SORCS2: variants seen among roughly 807,000 people sequenced by gnomAD.
SORCS2 encodes sortilin related VPS10 domain containing receptor 2, also known as VPS10 domain-containing receptor SorCS2.
In SORCS2, 100 loss-of-function variants were observed where a neutral mutation model predicts 141.6. The observed-to-expected ratio is 0.71, with a 90% CI of 0.60 to 0.83. SORCS2 has a LOEUF of 0.83. Among genes scored for constraint, SORCS2 ranks in the 40% least tolerant of loss-of-function variants. The pLI is 0.00. For synonymous variants in SORCS2, 789 were observed against 676.9 expected, an observed-to-expected ratio of 1.17 and a Z score of -2.57; for missense variants, 1,646 against 1,560.2, an observed-to-expected ratio of 1.05 and a Z score of -0.93.
rs779008169 is a variant in SORCS2, at chr4:7,638,427, G to A, written c.748G>A (p.Val250Met). 11 of 1,606,058 alleles carry A rather than the reference G, an allele frequency of 6.8e-6. No individual in the cohort carries two copies. Among genetic ancestry groups the A allele is most frequent in the African/African-American group, 4.0e-5 (3 of 74,416 alleles). The change falls in exon 4 of 27, where the codon GTG (valine) becomes ATG (methionine). Residue 250 changes from valine (V) to methionine (M), a missense_variant. Coordinates refer to ENST00000507866, the MANE Select transcript of SORCS2 (RefSeq NM_020777.3). ...TCAGAAGCAGCCCATTCCCTTCTTC[G>A]TGGAAACTCTGATTTTCCACCCTAA... Reference protein sequence around the residue: ...TFQKQPIPFFVETLIFHPKEE... With the variant: ...TFQKQPIPFFMETLIFHPKEE...
intron 1 of SORCS2, among the ~76,000 whole-genome samples, chr4:7,346,553 A>G (rs1720663908): frequency 6.6e-6 from 1 of 152,228 alleles, no homozygotes; most frequent in African/African-American, 2.4e-5. Flanking sequence ...AACTAGGTTA[A>G]GTCAGTTGAT....
At chr4:7,212,449 C>T (rs1391141812) in intron 1 of SORCS2, among the ~76,000 whole-genome samples, 1 of 152,250 alleles carries the variant, frequency 6.6e-6, no homozygotes, top group Non-Finnish European at 1.5e-5. Context: ...CCTAAGCTCA[C>T]AGAACCAGAA....
At chr4:7,374,154 T>C (rs917104383) in intron 1 of SORCS2, among the ~76,000 whole-genome samples, 39 of 147,436 alleles carry the variant, frequency 2.6e-4, no homozygotes, top group Admixed American at 1.0e-3. Flanking sequence ...TTTCTTTCTT[T>C]CTTTCTTTCT....
intron 1 of SORCS2, among the ~76,000 whole-genome samples, chr4:7,333,592 G>A (rs985167949): frequency 6.6e-6 from 1 of 152,170 alleles, no homozygotes; most frequent in East Asian, 1.9e-4. Context: ...CAGGGCCCTC[G>A]TCGTCCACCT....
chr4:7,412,425 T>C (rs1725378826), intron 2 of SORCS2, among the ~76,000 whole-genome samples: 1 of 152,146 alleles, frequency 6.6e-6, no homozygotes, highest in Non-Finnish European at 1.5e-5. Flanking sequence ...CTGGCTTCTC[T>C]CCCTGGCAGA....
intron 3 of SORCS2, among the ~76,000 whole-genome samples, chr4:7,633,058 G>A (rs1720000383): frequency 6.6e-6 from 1 of 152,158 alleles, no homozygotes; most frequent in Admixed American, 6.5e-5. Flanking sequence ...TCAGAATTTT[G>A]TACTCAGAAA....
chr4:7,557,292 G>A (rs140819067), intron 3 of SORCS2, among the ~76,000 whole-genome samples: 1 of 152,146 alleles, frequency 6.6e-6, no homozygotes, highest in South Asian at 2.1e-4. Flanking sequence ...GGCAGGGATG[G>A]CTGGGGGCAC....
chr4:7,217,777 A>T (rs1284519593), intron 1 of SORCS2, among the ~76,000 whole-genome samples: 1 of 152,202 alleles, frequency 6.6e-6, no homozygotes, highest in African/African-American at 2.4e-5. Context: ...GTGAGGATGA[A>T]GCCACGTGGG....
At chr4:7,265,508 AAGG>A in intron 1 of SORCS2, among the ~76,000 whole-genome samples, 1 of 151,992 alleles carries the variant, frequency 6.6e-6, no homozygotes, top group South Asian at 2.1e-4. Context: ...AAATAAAAGC[AAGG>A]TGTGGGCAGG....
intron 2 of SORCS2, among the ~76,000 whole-genome samples, chr4:7,474,020 G>A (rs1730139581): frequency 6.6e-6 from 1 of 152,212 alleles, no homozygotes; most frequent in Admixed American, 6.5e-5. Flanking sequence ...ATGAAGCTCT[G>A]TGCCTTGGCA....
chr4:7,386,379 G>GCA (rs1282520500), intron 1 of SORCS2, among the ~76,000 whole-genome samples: 3 of 107,704 alleles, frequency 2.8e-5, no homozygotes, highest in Non-Finnish European at 5.4e-5. Flanking sequence ...AGAAATACAT[G>GCA]CACACACACA....
At chr4:7,729,502 GGA>G (rs926529764) in intron 22 of SORCS2, 83 bp from the exon 23 acceptor site, 2 of 1,495,194 alleles carry the variant, frequency 1.3e-6, no homozygotes, top group African/African-American at 2.8e-5. Context: ...GGCCAAGAAG[GGA>G]GAGAGGGTGT....
intron 2 of SORCS2, among the ~76,000 whole-genome samples, chr4:7,506,422 C>T (rs1232838858): frequency 6.6e-6 from 1 of 152,204 alleles, no homozygotes; most frequent in Non-Finnish European, 1.5e-5. Context: ...AAGTTGCCAG[C>T]AGCTGCAGGC....
intron 2 of SORCS2, among the ~76,000 whole-genome samples, chr4:7,483,604 G>T (rs1308445802): frequency 6.6e-6 from 1 of 152,042 alleles, no homozygotes; most frequent in South Asian, 2.1e-4. Context: ...CCTGAGGGAC[G>T]GAAAAAAGCA....
intron 4 of SORCS2, among the ~76,000 whole-genome samples, chr4:7,640,348 G>A (rs1281595221): frequency 1.3e-5 from 2 of 150,184 alleles, no homozygotes; most frequent in Non-Finnish European, 3.0e-5. Context: ...GTGAGAGTGT[G>A]AGAGCCTATG....
chr4:7,706,713 A>G (rs546947069), intron 14 of SORCS2, among the ~76,000 whole-genome samples: 17 of 122,940 alleles, frequency 1.4e-4, no homozygotes, highest in African/African-American at 2.9e-4. Flanking sequence ...CTCTGCCTGG[A>G]CAGAGATGAG....
chr4:7,292,917 G>A (rs1294629225), intron 1 of SORCS2, among the ~76,000 whole-genome samples: 1 of 152,232 alleles, frequency 6.6e-6, no homozygotes, highest in Non-Finnish European at 1.5e-5. Context: ...GAAAAGCAGA[G>A]AGAAGAAGAG....
chr4:7,317,022 C>T (rs770597181), intron 1 of SORCS2, among the ~76,000 whole-genome samples: 12 of 152,138 alleles, frequency 7.9e-5, no homozygotes, highest in Non-Finnish European at 1.3e-4. Flanking sequence ...CATGGAGACC[C>T]TGTTACTCTC....
At chr4:7,400,694 G>A (rs1348921916) in intron 2 of SORCS2, among the ~76,000 whole-genome samples, 6 of 152,126 alleles carry the variant, frequency 3.9e-5, no homozygotes, top group African/African-American at 1.4e-4. Context: ...TTGACAGATG[G>A]ATGGATGAAT....
Sources: allele counts gnomAD v4.1 joint callset (sites outside exome capture counted in the v4.1 genomes callset), GRCh38; gene constraint gnomAD v4.1.1; transcripts MANE v1.5; gene names NCBI Gene and HGNC (gene_info 2026-07-23, HGNC 2026-07-21).